ZNF560: variants seen among roughly 807,000 people sequenced by gnomAD.
ZNF560 encodes zinc finger protein 560.
Under a neutral mutation model 81.8 loss-of-function variants are expected in ZNF560, and 54 were observed. The observed-to-expected ratio is 0.66, with a 90% CI of 0.53 to 0.83. ZNF560 has a LOEUF of 0.83. ZNF560 is among the 40% of genes least tolerant of loss of function. The probability of loss-of-function intolerance (pLI) is 0.00; values close to 1 mark genes in which losing one functional copy is unlikely to be tolerated. For synonymous variants in ZNF560, 321 were observed against 317.9 expected (o/e 1.01, Z -0.10); for missense variants, 940 against 932.4 (o/e 1.01, Z -0.11).
upstream of ZNF560, chr19:9,498,908 G>C (rs1445087299): frequency 6.6e-6 from 1 of 152,240 alleles, no homozygotes; most frequent in Admixed American, 6.5e-5. Context: ...GCGAAACGTC[G>C]GGCGATGGAC....
At chr19:9,459,696 G>A in the ZNF560 span, among the ~76,000 whole-genome samples, 5 of 152,152 alleles carry the variant, frequency 3.3e-5, no homozygotes, top group African/African-American at 7.2e-5. Context: ...GGGTAGACAG[G>A]TGAGGATGTG....
upstream of ZNF560, among the ~76,000 whole-genome samples, chr19:9,500,394 C>CAA (rs767714516): frequency 7.3e-3 from 603 of 82,384 alleles, 2 homozygotes; most frequent in African/African-American, 0.015. Context: ...AACTTCATCT[C>CAA]AAAAAAAAAA....
chr19:9,449,572 G>GA, the ZNF560 span, among the ~76,000 whole-genome samples: 1 of 151,472 alleles, frequency 6.6e-6, no homozygotes, highest in Non-Finnish European at 1.5e-5. Flanking sequence ...CATATGAAGT[G>GA]AAAAAAACAA....
At chr19:9,463,791 A>G (rs2072972401), downstream of ZNF560, among the ~76,000 whole-genome samples, 3 of 152,150 alleles carry the variant, frequency 2.0e-5, no homozygotes, top group African/African-American at 7.2e-5. Flanking sequence ...TCAGTGAGAC[A>G]CCTATCTCAG....
intron 2 of ZNF560, among the ~76,000 whole-genome samples, chr19:9,476,315 C>T (rs1568457260): frequency 6.6e-6 from 1 of 151,844 alleles, no homozygotes; most frequent in Non-Finnish European, 1.5e-5. Context: ...GTTTTTGAAA[C>T]AGAGTCTTGC....
the ZNF560 span, among the ~76,000 whole-genome samples, chr19:9,446,082 C>T: frequency 6.6e-6 from 1 of 152,084 alleles, no homozygotes; most frequent in Non-Finnish European, 1.5e-5. Context: ...AACCAGAGGG[C>T]TTCTTCTGGA....
Position 9,473,411 on chromosome 19 carries a change from C to A in ZNF560, c.158-152G>T, listed in dbSNP as rs867599473. The A allele has an allele frequency of 9.0e-6, 5 of 558,652 alleles. No homozygotes were observed. In the African/African-American group the frequency reaches 9.8e-5, roughly 11 times the overall value. 34.6% of individuals were successfully genotyped at this position (558,652 alleles called of 1,614,324 possible). ...GCCTAAGATGGTGAAACCCCCGTCT[C>A]TACTAAAAATACAAAAATTAGCTGG... On this transcript the variant is annotated intron_variant, in intron 4 of 9. Transcript: ENST00000301480.
At chr19:9,501,803 G>T (rs1017516603), upstream of ZNF560, among the ~76,000 whole-genome samples, 7 of 152,022 alleles carry the variant, frequency 4.6e-5, no homozygotes, top group African/African-American at 1.7e-4. Flanking sequence ...CCCAGCAAGA[G>T]ATATTTTTTA....
the ZNF560 span, among the ~76,000 whole-genome samples, chr19:9,450,909 A>G: frequency 6.6e-6 from 1 of 152,210 alleles, no homozygotes; most frequent in Non-Finnish European, 1.5e-5. Context: ...ACAAAATAAA[A>G]TACCTAGGAA....
At chr19:9,455,386 T>G in the ZNF560 span, among the ~76,000 whole-genome samples, 1 of 152,212 alleles carries the variant, frequency 6.6e-6, no homozygotes, top group Non-Finnish European at 1.5e-5. Context: ...CAGATGAAGC[T>G]TCTATTCAAG....
At chr19:9,490,537 T>C (rs1052291823) in intron 2 of ZNF560, among the ~76,000 whole-genome samples, 1 of 152,260 alleles carries the variant, frequency 6.6e-6, no homozygotes. Context: ...CTTGTTGTAA[T>C]GTGACATATA....
At chr19:9,483,694 C>T (rs868509171) in intron 2 of ZNF560, among the ~76,000 whole-genome samples, 1 of 151,000 alleles carries the variant, frequency 6.6e-6, no homozygotes, top group East Asian at 2.0e-4. Flanking sequence ...CTCCGCCCGG[C>T]CGCCGCCCCG....
intron 3 of ZNF560, 60 bp from the exon 4 acceptor site, chr19:9,474,385 A>G: frequency 6.5e-7 from 1 of 1,550,232 alleles, no homozygotes; most frequent in Admixed American, 1.9e-5. Flanking sequence ...TGTTCACTGA[A>G]GAATCAGTTA....
the ZNF560 span, among the ~76,000 whole-genome samples, chr19:9,450,222 CG>C: frequency 6.6e-6 from 1 of 151,078 alleles, no homozygotes; most frequent in South Asian, 2.1e-4. Flanking sequence ...ACCCGGGAGG[CG>C]GAGGTTGCAG....
chr19:9,450,650 C>T, the ZNF560 span, among the ~76,000 whole-genome samples: 79,969 of 151,906 alleles, frequency 0.53, 21,363 homozygotes, highest in Non-Finnish European at 0.55. Flanking sequence ...GCACATCAGC[C>T]TCCCGAGTAT....
At chr19:9,453,433 T>C in the ZNF560 span, among the ~76,000 whole-genome samples, 3 of 151,946 alleles carry the variant, frequency 2.0e-5, no homozygotes, top group Admixed American at 2.0e-4. Flanking sequence ...TCTAGCAACA[T>C]TAATGTTTTT....
At chr19:9,459,397 A>G in the ZNF560 span, among the ~76,000 whole-genome samples, 1 of 152,224 alleles carries the variant, frequency 6.6e-6, no homozygotes, top group Non-Finnish European at 1.5e-5. Context: ...AGGTAAAATA[A>G]TAACATGGGG....
Position 9,480,054 on chromosome 19 carries a change from C to T in ZNF560, c.-56-4685G>A, listed in dbSNP as rs563149069. Among the ~76,000 whole-genome samples the T allele has an allele frequency of 5.9e-5, 9 of 152,222 alleles. 1 individual carries two copies. In the South Asian group the frequency reaches 8.3e-4, roughly 14 times the overall value. ...GACTTTAATACCCTACTTTGAACAA[C>T]GGACAGATCATTCAGACAGAAAATC... On this transcript the variant is annotated intron_variant, in intron 2 of 9. Transcript: ENST00000301480.
chr19:9,479,569 G>T (rs2073253565), intron 2 of ZNF560, among the ~76,000 whole-genome samples: 1 of 151,764 alleles, frequency 6.6e-6, no homozygotes, highest in Admixed American at 6.6e-5. Flanking sequence ...TATACAATTG[G>T]CCATCTGAAT....
Sources: allele counts gnomAD v4.1 joint callset (sites outside exome capture counted in the v4.1 genomes callset), GRCh38; gene constraint gnomAD v4.1.1; transcripts MANE v1.5; gene names NCBI Gene and HGNC (gene_info 2026-07-23, HGNC 2026-07-21).